IGFL2: variants seen among roughly 807,000 people sequenced by gnomAD.
The protein encoded by IGFL2 is insulin growth factor-like family member 2.
A neutral mutation model predicts 13.9 loss-of-function variants in IGFL2; 7 were observed. That is an observed-to-expected ratio of 0.51 (90% CI 0.29 to 0.95). IGFL2 has a LOEUF of 0.95. IGFL2 is among the 40% of genes least tolerant of loss of function. The pLI is 0.08. For missense variants in IGFL2, 138 were observed against 147.8 expected (o/e 0.93, Z 0.34); for synonymous variants, 55 against 55.8 (o/e 0.99, Z 0.07).
At chr19:46,105,254 G>T in the IGFL2 span, among the ~76,000 whole-genome samples, 1 of 152,336 alleles carries the variant, frequency 6.6e-6, no homozygotes, top group South Asian at 2.1e-4. Flanking sequence ...TTTAGAGTCT[G>T]TATAAATATT....
At chr19:46,099,256 T>A in the IGFL2 span, among the ~76,000 whole-genome samples, 1 of 152,214 alleles carries the variant, frequency 6.6e-6, no homozygotes, top group African/African-American at 2.4e-5. Flanking sequence ...TTTTAACATT[T>A]TTTCCTTCAT....
chr19:46,149,187 T>TCTC, intron 1 of IGFL2: 1 of 636,718 alleles, frequency 1.6e-6, no homozygotes, highest in African/African-American at 1.8e-5. Flanking sequence ...TCTCTCTCTC[T>TCTC]TTCTCTCTCC....
the IGFL2 span, among the ~76,000 whole-genome samples, chr19:46,206,253 C>T: frequency 1.3e-5 from 2 of 152,206 alleles, no homozygotes; most frequent in Non-Finnish European, 2.9e-5. Context: ...CTCAGCTGCC[C>T]TGACAGATGG....
chr19:46,152,597 A>G (rs1357543712), intron 1 of IGFL2, among the ~76,000 whole-genome samples: 2 of 152,184 alleles, frequency 1.3e-5, no homozygotes, highest in Non-Finnish European at 2.9e-5. Context: ...AGGATTTTTA[A>G]CATACAAAAT....
At chr19:46,133,183 A>T in the IGFL2 span, among the ~76,000 whole-genome samples, 1 of 152,118 alleles carries the variant, frequency 6.6e-6, no homozygotes, top group Non-Finnish European at 1.5e-5. Flanking sequence ...CCCCTCAGGG[A>T]GAGAAAGGCT....
chr19:46,141,101 G>A (rs1179962059), upstream of IGFL2, among the ~76,000 whole-genome samples: 3 of 152,140 alleles, frequency 2.0e-5, no homozygotes, highest in Admixed American at 6.5e-5. Flanking sequence ...TTTTATACAG[G>A]ACAGTAAACA....
intron 1 of IGFL2, among the ~76,000 whole-genome samples, chr19:46,150,309 C>A (rs1192431103): frequency 6.6e-6 from 1 of 152,116 alleles, no homozygotes; most frequent in Non-Finnish European, 1.5e-5. Flanking sequence ...CAAATACTTT[C>A]CTCATTATGT....
the IGFL2 span, among the ~76,000 whole-genome samples, chr19:46,188,420 C>G: frequency 6.6e-6 from 1 of 152,162 alleles, no homozygotes; most frequent in African/African-American, 2.4e-5. Context: ...GACCGCCCCC[C>G]CCACTCTCCT....
chr19:46,168,899 A>AGTGTGTGT, the IGFL2 span, among the ~76,000 whole-genome samples: 11 of 140,564 alleles, frequency 7.8e-5, no homozygotes, highest in Admixed American at 1.4e-4. Context: ...CAGTAGATTG[A>AGTGTGTGT]GTGTGTGTGT....
chr19:46,090,513 G>A, the IGFL2 span, among the ~76,000 whole-genome samples: 4 of 152,202 alleles, frequency 2.6e-5, no homozygotes, highest in African/African-American at 9.7e-5. Context: ...GTCTGGGAAC[G>A]CCCTTCAACA....
chr19:46,180,092 C>T, the IGFL2 span, among the ~76,000 whole-genome samples: 871 of 152,124 alleles, frequency 5.7e-3, 4 homozygotes, highest in Non-Finnish European at 8.4e-3. Context: ...AATGGAGTTT[C>T]GTATTCAGAC....
the IGFL2 span, among the ~76,000 whole-genome samples, chr19:46,109,717 C>T: frequency 6.6e-6 from 1 of 151,490 alleles, no homozygotes; most frequent in Non-Finnish European, 1.5e-5. Context: ...GAGGGTGTAT[C>T]ATACAAAGTA....
At chr19:46,102,236 C>A in the IGFL2 span, among the ~76,000 whole-genome samples, 1 of 152,194 alleles carries the variant, frequency 6.6e-6, no homozygotes, top group Non-Finnish European at 1.5e-5. Flanking sequence ...ACCAAACAGG[C>A]TTTGTGTAAG....
the IGFL2 span, among the ~76,000 whole-genome samples, chr19:46,117,015 T>G: frequency 3.9e-5 from 6 of 152,302 alleles, no homozygotes; most frequent in South Asian, 1.2e-3. Flanking sequence ...TGGCATAAAC[T>G]TAATTGATTG....
chr19:46,083,281 TA>T, the IGFL2 span, among the ~76,000 whole-genome samples: 4 of 152,318 alleles, frequency 2.6e-5, no homozygotes, highest in East Asian at 7.7e-4. Context: ...GGGAACAACT[TA>T]AATCGTTTTC....
At chr19:46,151,891 G>C (rs561586412) in intron 1 of IGFL2, among the ~76,000 whole-genome samples, 2 of 152,316 alleles carry the variant, frequency 1.3e-5, no homozygotes, top group East Asian at 3.9e-4. Context: ...CAGCCTGGGT[G>C]ACAGAGTGAC....
At chr19:46,193,587 A>T in the IGFL2 span, among the ~76,000 whole-genome samples, 1 of 152,186 alleles carries the variant, frequency 6.6e-6, no homozygotes, top group Admixed American at 6.5e-5. Context: ...GGAAAGAAAA[A>T]AAAATGGGCT....
rs1284510972 is a variant in IGFL2 at position 46,160,778 on chromosome 19, T to C, written c.238T>C (p.Cys80Arg). ...CTTCTGGCCCTGCTTTGAGCTCTGCTGTCTTGATTCCTTTGGCCTCACAAA... is the reference window on the plus strand; with the variant it reads ...CTTCTGGCCCTGCTTTGAGCTCTGCCGTCTTGATTCCTTTGGCCTCACAAA... ...CTFWPCFELC[C>R]LDSFGLTNDF... The change falls in exon 3 of 4, where the codon TGT becomes CGT. Residue 80 changes from cysteine to arginine, a missense_variant. Transcript: ENST00000377693. 6.8e-6 allele frequency: 11 copies of C among 1,614,066 alleles called. No homozygotes were observed. The highest frequency in any genetic ancestry group is 9.3e-6 in the Non-Finnish European group (11 of 1,180,020).
chr19:46,110,981 A>G, the IGFL2 span: 1 of 152,108 alleles, frequency 6.6e-6, no homozygotes, highest in Admixed American at 6.5e-5. Flanking sequence ...ATGTTTCTTT[A>G]TAATTATGTA....
Sources: gnomAD v4.1 joint callset for allele counts (sites outside exome capture counted in the v4.1 genomes callset) on GRCh38, gnomAD v4.1.1 for gene constraint, MANE v1.5 for transcripts, NCBI Gene and HGNC (gene_info 2026-07-23, HGNC 2026-07-21) for gene names.